The following ABCC9 variants were observed in gnomAD, a reference collection of about 807,000 sequenced individuals.
ABCC9 encodes ATP-binding cassette sub-family C member 9.
Under a neutral mutation model 188.3 loss-of-function variants are expected in ABCC9, and 95 were observed. The observed-to-expected ratio is 0.50, with a 90% CI of 0.43 to 0.60. ABCC9 has a LOEUF of 0.60. ABCC9 is among the 20% of genes least tolerant of loss of function. The pLI is 0.00. For missense variants in ABCC9, 1,102 were observed against 1,876.3 expected (o/e 0.59, Z 7.62); for synonymous variants, 659 against 652.7 (o/e 1.01, Z -0.15).
chr12:21,851,340 C>T (rs1443068474), intron 24 of ABCC9, among the ~76,000 whole-genome samples: 2 of 152,136 alleles, frequency 1.3e-5, no homozygotes, highest in Non-Finnish European at 2.9e-5. Flanking sequence ...ACTTACATCA[C>T]CCATAACATT....
At chr12:21,895,392 C>T in intron 12 of ABCC9, 77 bp from the exon 13 acceptor site, 1 of 1,262,544 alleles carries the variant, frequency 7.9e-7, no homozygotes, top group Non-Finnish European at 1.2e-6. Flanking sequence ...TCTATTATTG[C>T]TTTAACTTTC....
intron 12 of ABCC9, among the ~76,000 whole-genome samples, chr12:21,901,282 C>A (rs978767453): frequency 6.6e-6 from 1 of 152,044 alleles, no homozygotes; most frequent in Admixed American, 6.5e-5. Flanking sequence ...CCAGACCTGC[C>A]CTACAAGAGC....
intron 12 of ABCC9, among the ~76,000 whole-genome samples, chr12:21,895,926 T>A (rs1299443314): frequency 1.3e-5 from 2 of 152,120 alleles, no homozygotes; most frequent in East Asian, 3.9e-4. Flanking sequence ...TACTAGTGTT[T>A]GGAAGTAACA....
At chr12:21,832,807 A>G (rs899314967) in intron 30 of ABCC9, among the ~76,000 whole-genome samples, 1 of 152,198 alleles carries the variant, frequency 6.6e-6, no homozygotes. Flanking sequence ...ATTATATGAA[A>G]AAGACAGTTG....
In ABCC9 at chr12:21,882,765, C is replaced by A; in HGVS notation, c.2019+1G>T. Reference sequence around the variant, plus strand: ...GTAAGAATCCAGGAAATAAAAATAACCTTTATTGCAATGTCCTCTGTTTCT... The same window carrying A: ...GTAAGAATCCAGGAAATAAAAATAAACTTTATTGCAATGTCCTCTGTTTCT... On this transcript the variant is annotated splice_donor_variant, in intron 16 of 39. Transcript: ENST00000261200. LOFTEE classifies it high-confidence loss of function. The A allele has an allele frequency of 2.5e-6, 4 of 1,601,856 alleles. No homozygotes were observed. Among genetic ancestry groups the A allele is most frequent in the Non-Finnish European group, 3.4e-6 (4 of 1,168,888 alleles).
At chr12:21,818,565 A>G (rs1942826714) in intron 31 of ABCC9, among the ~76,000 whole-genome samples, 1 of 138,702 alleles carries the variant, frequency 7.2e-6, no homozygotes. Flanking sequence ...TGTGTGTGAT[A>G]TGGGTTCAGA....
intron 4 of ABCC9, among the ~76,000 whole-genome samples, chr12:21,928,300 A>AAGGG (rs1446531630): frequency 6.0e-5 from 2 of 33,170 alleles, no homozygotes; most frequent in African/African-American, 2.3e-4. Flanking sequence ...GGAAGGAAGG[A>AAGGG]AGGGAGGGTG....
chr12:21,910,129 A>G (rs1353732679), intron 10 of ABCC9, 28 bp downstream of exon 10: 15 of 1,595,580 alleles, frequency 9.4e-6, no homozygotes, highest in South Asian at 8.8e-5. Flanking sequence ...TCTGCAGACA[A>G]AAATCTTACT....
chr12:21,929,735 T>G (rs1415515807), intron 4 of ABCC9, among the ~76,000 whole-genome samples: 3 of 152,186 alleles, frequency 2.0e-5, no homozygotes, highest in Non-Finnish European at 2.9e-5. Context: ...AATGTTTGGA[T>G]TTAGAAGTAA....
At chr12:21,923,550 T>C in intron 5 of ABCC9, 1 of 338,886 alleles carries the variant, frequency 3.0e-6, no homozygotes, top group Non-Finnish European at 5.4e-6. Flanking sequence ...TAATTAGCAA[T>C]CAGATAAATG....
chr12:21,931,750 T>C (rs1949298964), intron 4 of ABCC9, among the ~76,000 whole-genome samples: 1 of 152,134 alleles, frequency 6.6e-6, no homozygotes, highest in South Asian at 2.1e-4. Flanking sequence ...AATGCTACTG[T>C]ATAAAAATTA....
At chr12:21,868,810 C>T (rs1010405442) in intron 18 of ABCC9, among the ~76,000 whole-genome samples, 3 of 152,094 alleles carry the variant, frequency 2.0e-5, no homozygotes, top group African/African-American at 7.2e-5. Flanking sequence ...AGCATTTACA[C>T]AGCAGCAGCT....
At chr12:21,802,447 A>G (rs11837112) in intron 39 of ABCC9, among the ~76,000 whole-genome samples, 454 of 152,330 alleles carry the variant, frequency 3.0e-3, no homozygotes, top group African/African-American at 0.01. Context: ...TCAAAGTAGA[A>G]ATAAACAAAT....
chr12:21,938,120 G>C (rs1233115539), intron 2 of ABCC9: 2 of 151,928 alleles, frequency 1.3e-5, no homozygotes, highest in Non-Finnish European at 2.9e-5. Flanking sequence ...GTCAATGGTA[G>C]GTAAATTATT....
intron 5 of ABCC9, among the ~76,000 whole-genome samples, chr12:21,920,529 T>C (rs752988837): frequency 1.8e-4 from 27 of 152,074 alleles, no homozygotes; most frequent in Admixed American, 1.4e-3. Context: ...AAATATGGCA[T>C]TGATCACCTC....
chr12:21,891,810 C>T (rs1043516728), intron 14 of ABCC9, among the ~76,000 whole-genome samples: 1 of 152,166 alleles, frequency 6.6e-6, no homozygotes, highest in African/African-American at 2.4e-5. Context: ...TGACCAAAGT[C>T]TCCGATTATA....
intron 16 of ABCC9, among the ~76,000 whole-genome samples, chr12:21,880,850 A>T (rs1946584781): frequency 6.6e-6 from 1 of 152,174 alleles, no homozygotes; most frequent in Admixed American, 6.5e-5. Flanking sequence ...CGTACAACTC[A>T]GCAACTGTTC....
At chr12:21,922,245 C>G (rs1465162403) in intron 5 of ABCC9, among the ~76,000 whole-genome samples, 1 of 151,816 alleles carries the variant, frequency 6.6e-6, no homozygotes, top group East Asian at 1.9e-4. Flanking sequence ...ATTTCATGCA[C>G]CAGTGTTTGA....
intron 22 of ABCC9, among the ~76,000 whole-genome samples, chr12:21,854,954 ATTATCAAGATTTAGCAAATC>A (rs1565743132): frequency 6.6e-6 from 1 of 152,170 alleles, no homozygotes. Flanking sequence ...CAAGGATATA[ATTATCAAGATTTAGCAAATC>A]TTGATATCAG....
Sources: gnomAD v4.1 joint callset for allele counts (sites outside exome capture counted in the v4.1 genomes callset) on GRCh38, gnomAD v4.1.1 for gene constraint, MANE v1.5 for transcripts, NCBI Gene and HGNC (gene_info 2026-07-23, HGNC 2026-07-21) for gene names.